The following CCDC88C variants were observed in gnomAD, a reference collection of about 807,000 sequenced individuals.
CCDC88C encodes coiled-coil and HOOK domain protein 88C, also known as protein Daple.
CCDC88C carries 131 observed loss-of-function variants against 198.8 expected under a neutral mutation model. The ratio of observed to expected loss-of-function variants is 0.66; its 90% CI spans 0.57 to 0.76. The LOEUF is 0.76. CCDC88C is among the 30% of genes least tolerant of loss of function. CCDC88C has a pLI of 0.00. For missense variants in CCDC88C, 2,553 were observed against 2,631.6 expected (o/e 0.97, Z 0.65); for synonymous variants, 1,166 against 1,114.7 (o/e 1.05, Z -0.92).
chr14:91,410,749 T>C (rs187813329), intron 2 of CCDC88C, among the ~76,000 whole-genome samples: 1 of 152,358 alleles, frequency 6.6e-6, no homozygotes, highest in East Asian at 1.9e-4. Flanking sequence ...CAGTGACAAA[T>C]GCACTTCTTA....
At chr14:91,286,647 G>A (rs1007809007) in intron 25 of CCDC88C, among the ~76,000 whole-genome samples, 3 of 152,174 alleles carry the variant, frequency 2.0e-5, no homozygotes, top group African/African-American at 7.2e-5. Context: ...GGCCACAGTG[G>A]CTCACACCAC....
At position 91,289,134 on chromosome 14, in the gene CCDC88C, C is replaced by T. The variant is rs201606038; in HGVS notation, c.4412G>A (p.Arg1471His). The T allele has an allele frequency of 1.0e-4, 169 of 1,613,082 alleles. No individual in the cohort carries two copies. The highest frequency in any genetic ancestry group is 8.6e-5 in the Non-Finnish European group (101 of 1,179,850). Reference protein sequence around the residue: ...PALGSNCAEERDAHNGSVGKG... With the variant: ...PALGSNCAEEHDAHNGSVGKG... ...CCCCACAGACCCGTTGTGGGCGTCGCGCTCTTCTGCACAGTTGGAGCCCAG... is the reference window on the plus strand; with the variant it reads ...CCCCACAGACCCGTTGTGGGCGTCGTGCTCTTCTGCACAGTTGGAGCCCAG... Residue 1471 changes from arginine to histidine, a missense_variant, in exon 25 of 30, where the codon CGC becomes CAC. Physicochemically the swap from Arg to His is conservative, Grantham distance 29. This residue lies in a region of CCDC88C where 1,293 missense variants were observed against 1,219.6 expected (regional missense o/e 1.06). Coordinates refer to ENST00000389857, the MANE Select transcript of CCDC88C (RefSeq NM_001080414.4).
At chr14:91,367,722 G>A (rs1392114695) in intron 3 of CCDC88C, among the ~76,000 whole-genome samples, 5 of 152,132 alleles carry the variant, frequency 3.3e-5, no homozygotes, top group Non-Finnish European at 5.9e-5. Flanking sequence ...AGTCTGACAC[G>A]TGAGGGACAG....
In CCDC88C at chr14:91,294,173, A is replaced by G. The variant is rs1172443088; in HGVS notation, c.4112T>C (p.Ile1371Thr). The change falls in exon 23 of 30, where the codon ATA becomes ACA. Residue 1371 changes from isoleucine (I) to threonine (T), a missense_variant and splice_region_variant. By Grantham distance (89) the Ile-to-Thr change is moderately conservative (BLOSUM62 -1). Coordinates refer to ENST00000389857, the MANE Select transcript of CCDC88C (RefSeq NM_001080414.4). ...AGGGGTTCAGGGACTCCCTGCTTAC[A>G]TGTACTGCTTCTGCTCCTCATGGTA... ...EQYHEEQKQYIDKLNALRRHK... is the reference protein window; with the variant it reads ...EQYHEEQKQYTDKLNALRRHK... 1.2e-6 allele frequency: 2 copies of G among 1,613,796 alleles called. No homozygotes were observed. The highest frequency in any genetic ancestry group is 1.7e-6 in the Non-Finnish European group (2 of 1,179,838).
chr14:91,377,123 G>A (rs1484662980), intron 3 of CCDC88C, among the ~76,000 whole-genome samples: 1 of 152,086 alleles, frequency 6.6e-6, no homozygotes, highest in Non-Finnish European at 1.5e-5. Context: ...GAACAAACAA[G>A]CTCATCCCAC....
chr14:91,364,138 C>A (rs1382004705), intron 3 of CCDC88C, among the ~76,000 whole-genome samples: 1 of 152,234 alleles, frequency 6.6e-6, no homozygotes. Context: ...GGGACACACA[C>A]CAGCCTCGCT....
Position 91,324,932 on chromosome 14 carries a change from A to AGCAAGAAGAG in CCDC88C, c.1198-19_1198-10dup. 8 of 1,613,368 alleles carry AGCAAGAAGAG rather than the reference A, an allele frequency of 5.0e-6. No homozygotes were observed. Among genetic ancestry groups the AGCAAGAAGAG allele is most frequent in the Non-Finnish European group, 6.8e-6 (8 of 1,179,900 alleles). On this transcript the variant is annotated splice_polypyrimidine_tract_variant and intron_variant, in intron 11 of 29. Transcript: ENST00000389857. ...TTATCTGTGTCCCGGTCCTGGGGCA[A>AGCAAGAAGAG]GCAAGAAGAGGCAAGAAGTGAGGCT...
At position 91,339,835 on chromosome 14, in the gene CCDC88C, G is replaced by T. The variant is rs981168341; in HGVS notation, c.624+49C>A. On this transcript the variant is annotated intron_variant, in intron 7 of 29. Transcript: ENST00000389857. This position sits in a 1 kb window ranked among gnomAD's most constrained non-coding sequence, Gnocchi z 5.8. Reference sequence around the variant, plus strand: ...AAGATGAAGGGAGAGGAGATGAAGGGGCCTAAGCCCCTTCCCAGGCTGACC... The same window carrying T: ...AAGATGAAGGGAGAGGAGATGAAGGTGCCTAAGCCCCTTCCCAGGCTGACC... 1 of 1,531,428 alleles carries T rather than the reference G, an allele frequency of 6.5e-7. No individual in the cohort carries two copies. The highest frequency in any genetic ancestry group is 8.8e-7 in the Non-Finnish European group (1 of 1,137,428). 94.9% of individuals were successfully genotyped at this position (1,531,428 alleles called of 1,614,324 possible). A position where few individuals can be genotyped will look rare whatever the true frequency, so the allele number is the denominator to read the frequency against.
Position 91,386,002 on chromosome 14 carries a change from C to A in CCDC88C, c.270+22657G>T, listed in dbSNP as rs552912935. Among the ~76,000 whole-genome samples the A allele has an allele frequency of 2.0e-5, 3 of 152,230 alleles. No individual in the cohort carries two copies. In the East Asian group the frequency reaches 5.8e-4, roughly 29 times the overall value. On this transcript the variant is annotated intron_variant, in intron 3 of 29. Coordinates refer to ENST00000389857, the MANE Select transcript of CCDC88C (RefSeq NM_001080414.4). ...CAATTTCAGGTCTGACACTCACTAGCCATGTGTGACCCTGAGCAAGCCAGT... is the reference window on the plus strand; with the variant it reads ...CAATTTCAGGTCTGACACTCACTAGACATGTGTGACCCTGAGCAAGCCAGT...
At chr14:91,368,303 T>C (rs192545744) in intron 3 of CCDC88C, among the ~76,000 whole-genome samples, 3 of 152,298 alleles carry the variant, frequency 2.0e-5, no homozygotes, top group Admixed American at 2.0e-4. Flanking sequence ...TCACAGCCTG[T>C]AGCTGTTAAC....
intron 12 of CCDC88C, among the ~76,000 whole-genome samples, chr14:91,322,230 AG>A (rs909872253): frequency 2.0e-5 from 3 of 152,154 alleles, no homozygotes; most frequent in African/African-American, 4.8e-5. Context: ...CTGTGGGTAC[AG>A]GGGGGTGATG....
Position 91,314,118 on chromosome 14 carries a change from G to C in CCDC88C, c.1698C>G (p.Leu566=), listed in dbSNP as rs756980237. 1 of 1,612,782 alleles carries C rather than the reference G, an allele frequency of 6.2e-7. No individual in the cohort carries two copies. The change falls in exon 15 of 30, where the codon CTC becomes CTG. Residue 566 remains leucine, a synonymous_variant. Coordinates refer to ENST00000389857, the MANE Select transcript of CCDC88C (RefSeq NM_001080414.4). ...IKDLEQEKDH[L]NRAMWSLRER... is the part of the protein sequence containing the mutation. ...CCCGCAGCGACCACATGGCTCGGTT[G>C]AGGTGGTCCTTTTCCTGCTCAAGGT...
intron 3 of CCDC88C, among the ~76,000 whole-genome samples, chr14:91,377,340 T>C (rs925508813): frequency 6.6e-6 from 1 of 152,206 alleles, no homozygotes; most frequent in Non-Finnish European, 1.5e-5. Flanking sequence ...TTCACGCGCA[T>C]GAGAGCCGGA....
At chr14:91,385,676 G>A (rs1018012232) in intron 3 of CCDC88C, among the ~76,000 whole-genome samples, 2 of 152,136 alleles carry the variant, frequency 1.3e-5, no homozygotes, top group African/African-American at 2.4e-5. Flanking sequence ...TTAAAAGCCT[G>A]CTTTTGACCA....
chr14:91,326,512 C>T (rs1892591197), intron 10 of CCDC88C, among the ~76,000 whole-genome samples: 1 of 152,190 alleles, frequency 6.6e-6, no homozygotes, highest in Non-Finnish European at 1.5e-5. Flanking sequence ...TGTGCCCAGC[C>T]CATCTTCACC....
At chr14:91,322,868 G>A (rs1892414109) in intron 12 of CCDC88C, among the ~76,000 whole-genome samples, 1 of 149,896 alleles carries the variant, frequency 6.7e-6, no homozygotes, top group South Asian at 2.1e-4. Flanking sequence ...CTATTAAAAC[G>A]ACACAATGGT....
In CCDC88C at chr14:91,273,350, G is replaced by A. The variant is rs1889823851; in HGVS notation, c.5362C>T (p.Pro1788Ser). 1.3e-6 allele frequency: 2 copies of A among 1,538,716 alleles called. No individual in the cohort carries two copies. The highest frequency in any genetic ancestry group is 1.4e-5 in the African/African-American group (1 of 73,078). ...SLGRPRQAPV[P>S]PASHAPASRS... ...CTGGCAGGTGCATGGGAAGCTGGGG[G>A]CACCGGAGCCTGCCGGGGTCTGCCC... is the stretch of plus-strand genomic sequence containing the variant. Residue 1788 changes from proline (P) to serine (S), a missense_variant, in exon 30 of 30, where the codon CCC (proline) becomes TCC (serine). Coordinates refer to ENST00000389857, the MANE Select transcript of CCDC88C (RefSeq NM_001080414.4). The surrounding 1 kb of genome is among the most constrained non-coding windows in gnomAD (Gnocchi z 5.6).
chr14:91,414,073 C>A (rs1307462415), intron 2 of CCDC88C, among the ~76,000 whole-genome samples: 1 of 152,120 alleles, frequency 6.6e-6, no homozygotes, highest in East Asian at 1.9e-4. Flanking sequence ...TCCAATGTTG[C>A]CCTAGACCTC....
At chr14:91,394,879 C>T (rs977305553) in intron 3 of CCDC88C, among the ~76,000 whole-genome samples, 3 of 152,110 alleles carry the variant, frequency 2.0e-5, no homozygotes, top group Non-Finnish European at 4.4e-5. Context: ...TTGGATAATC[C>T]GCTCAGTAAC....
Sources: gnomAD v4.1 joint callset for allele counts (sites outside exome capture counted in the v4.1 genomes callset) on GRCh38, gnomAD v4.1.1 for gene constraint, gnomAD v4.1.1 regional missense constraint, Gnocchi (gnomAD v3.1) non-coding constraint, MANE v1.5 for transcripts, NCBI Gene and HGNC (gene_info 2026-07-23, HGNC 2026-07-21) for gene names.